Variants in COL19A1 observed in about 807,000 individuals in gnomAD.
COL19A1 encodes collagen type XIX alpha 1 chain, also known as collagen alpha-1(XIX) chain.
In COL19A1, 159 loss-of-function variants were observed where a neutral mutation model predicts 190.2. That is an observed-to-expected ratio of 0.84 (90% CI 0.73 to 0.95). The LOEUF is 0.95. COL19A1 is among the 40% of genes least tolerant of loss of function. The pLI is 0.00. For missense variants in COL19A1, 1,418 were observed against 1,431.9 expected, an observed-to-expected ratio of 0.99 and a Z score of 0.16; for synonymous variants, 509 against 458.9, an observed-to-expected ratio of 1.11 and a Z score of -1.39.
chr6:69,981,926 A>T (rs550869164), intron 11 of COL19A1, among the ~76,000 whole-genome samples: 69 of 152,134 alleles, frequency 4.5e-4, no homozygotes, highest in Non-Finnish European at 8.5e-4. Context: ...TTTCAAGAAA[A>T]GCACAAGAGA....
intron 2 of COL19A1, among the ~76,000 whole-genome samples, chr6:69,896,675 G>A (rs1336708531): frequency 2.0e-5 from 3 of 151,558 alleles, no homozygotes; most frequent in African/African-American, 4.9e-5. Flanking sequence ...CATCTTCAGT[G>A]CTTTAATTTT....
At chr6:70,147,687 G>A (rs544601329) in intron 27 of COL19A1, among the ~76,000 whole-genome samples, 52 of 152,094 alleles carry the variant, frequency 3.4e-4, no homozygotes, top group Admixed American at 2.0e-4. Context: ...TTCCCCAATG[G>A]ACATCAACTG....
At chr6:70,117,595 G>A (rs1256731720) in intron 16 of COL19A1, among the ~76,000 whole-genome samples, 1 of 152,140 alleles carries the variant, frequency 6.6e-6, no homozygotes, top group Non-Finnish European at 1.5e-5. Context: ...AGTAAGAAAC[G>A]ACATCAGGAT....
At chr6:70,142,850 A>G in intron 23 of COL19A1, 30 bp downstream of exon 23, 2 of 1,588,456 alleles carry the variant, frequency 1.3e-6, no homozygotes, top group South Asian at 2.3e-5. Context: ...TATTTCTGGA[A>G]TTGAAATTGA....
intron 14 of COL19A1, among the ~76,000 whole-genome samples, chr6:70,058,296 A>C (rs1353034490): frequency 1.3e-5 from 2 of 152,008 alleles, no homozygotes; most frequent in Non-Finnish European, 2.9e-5. Context: ...GAAATTGTTA[A>C]GTTTTAAAAG....
intron 9 of COL19A1, among the ~76,000 whole-genome samples, chr6:69,951,615 C>T (rs557745726): frequency 1.3e-5 from 2 of 151,932 alleles, no homozygotes; most frequent in African/African-American, 4.8e-5. Context: ...CCAGTGAATT[C>T]CTCACTTATT....
At chr6:70,141,364 A>G (rs1420026743) in intron 20 of COL19A1, among the ~76,000 whole-genome samples, 2 of 152,124 alleles carry the variant, frequency 1.3e-5, no homozygotes, top group Admixed American at 6.6e-5. Context: ...GATTTATCAA[A>G]TATATTAATA....
intron 15 of COL19A1, among the ~76,000 whole-genome samples, chr6:70,074,779 A>T (rs1237900952): frequency 6.8e-6 from 1 of 147,314 alleles, no homozygotes; most frequent in African/African-American, 2.7e-5. Flanking sequence ...TTGTCTTCTT[A>T]TCTTTATGTG....
intron 16 of COL19A1, among the ~76,000 whole-genome samples, chr6:70,106,499 G>T (rs1783977620): frequency 6.6e-6 from 1 of 152,148 alleles, no homozygotes; most frequent in South Asian, 2.1e-4. Flanking sequence ...TTCATGGAAA[G>T]TCATGTATAT....
chr6:70,000,553 T>C (rs2150083613), intron 11 of COL19A1, among the ~76,000 whole-genome samples: 1 of 152,334 alleles, frequency 6.6e-6, no homozygotes, highest in African/African-American at 2.4e-5. Flanking sequence ...TTTTTAATAA[T>C]TGCCATTCTG....
intron 14 of COL19A1, among the ~76,000 whole-genome samples, chr6:70,036,851 G>C (rs895393201): frequency 6.6e-6 from 1 of 151,980 alleles, no homozygotes; most frequent in African/African-American, 2.4e-5. Flanking sequence ...TAGAACATAG[G>C]AATCTCAAAA....
chr6:69,896,424 C>G (rs922649896), intron 2 of COL19A1, among the ~76,000 whole-genome samples: 7 of 151,596 alleles, frequency 4.6e-5, no homozygotes, highest in African/African-American at 9.7e-5. Context: ...GTAGTCCCAG[C>G]TACTCTGGAG....
At chr6:69,892,213 C>T (rs1188502642) in intron 2 of COL19A1, among the ~76,000 whole-genome samples, 1 of 152,182 alleles carries the variant, frequency 6.6e-6, no homozygotes, top group Non-Finnish European at 1.5e-5. Context: ...GCAGGATTTG[C>T]AGGATAATTG....
intron 11 of COL19A1, among the ~76,000 whole-genome samples, chr6:69,982,736 G>T (rs1047753844): frequency 3.6e-4 from 54 of 150,826 alleles, no homozygotes; most frequent in African/African-American, 1.3e-3. Context: ...ACTTTGGGAG[G>T]CCGAGACGGG....
At chr6:69,973,719 A>C (rs1423283050) in intron 11 of COL19A1, 1 of 152,240 alleles carries the variant, frequency 6.6e-6, no homozygotes, top group African/African-American at 2.4e-5. Flanking sequence ...AGTAAATCTC[A>C]ATTAATAAAT....
chr6:69,977,415 G>C (rs1775777821), intron 11 of COL19A1, among the ~76,000 whole-genome samples: 1 of 141,742 alleles, frequency 7.1e-6, no homozygotes, highest in African/African-American at 2.6e-5. Context: ...GACTGTTGTG[G>C]GGTGGGGGGA....
intron 11 of COL19A1, among the ~76,000 whole-genome samples, chr6:70,008,915 A>G (rs566433632): frequency 6.6e-5 from 10 of 152,136 alleles, no homozygotes; most frequent in African/African-American, 2.4e-4. Context: ...AAATAACAAA[A>G]CCAATATGAT....
chr6:69,991,316 C>T (rs1776609053), intron 11 of COL19A1, among the ~76,000 whole-genome samples: 1 of 152,002 alleles, frequency 6.6e-6, no homozygotes, highest in Non-Finnish European at 1.5e-5. Context: ...AGGTTGATTC[C>T]ATGTCTTTGC....
intron 14 of COL19A1, among the ~76,000 whole-genome samples, chr6:70,048,364 G>A (rs1780018002): frequency 6.6e-6 from 1 of 152,060 alleles, no homozygotes; most frequent in Non-Finnish European, 1.5e-5. Context: ...TAACTGCTCA[G>A]TAAGTGATAT....
Sources: gnomAD v4.1 joint callset for allele counts (sites outside exome capture counted in the v4.1 genomes callset) on GRCh38, gnomAD v4.1.1 for gene constraint, MANE v1.5 for transcripts, NCBI Gene and HGNC (gene_info 2026-07-23, HGNC 2026-07-21) for gene names.